ZC4H2: variants seen among roughly 807,000 people sequenced by gnomAD.
The protein encoded by ZC4H2 is zinc finger C4H2 domain-containing protein.
For synonymous variants in ZC4H2, 84 were observed against 66.3 expected (o/e 1.27, Z -1.30); for missense variants, 137 against 173.9 (o/e 0.79, Z 1.19).
At chrX:64,924,315 G>A (rs946424725) in intron 1 of ZC4H2, among the ~76,000 whole-genome samples, 1 of 111,975 alleles carries the variant, frequency 8.9e-6, no homozygotes, top group Non-Finnish European at 1.9e-5. Context: ...TATTTATTGA[G>A]CACTTACTAT....
intron 1 of ZC4H2, among the ~76,000 whole-genome samples, chrX:64,926,783 C>A (rs1929438618): frequency 9.0e-6 from 1 of 111,388 alleles, no homozygotes; most frequent in Non-Finnish European, 1.9e-5. Flanking sequence ...TTTTTTTCAA[C>A]AAAATATGGA....
chrX:64,941,201 T>C (rs1299971692), intron 1 of ZC4H2, among the ~76,000 whole-genome samples: 1 of 112,022 alleles, frequency 8.9e-6, no homozygotes, highest in Non-Finnish European at 1.9e-5. Flanking sequence ...TGTGTGTCTA[T>C]TATTGGTGTA....
At chrX:65,011,105 A>T (rs982755204) in intron 1 of ZC4H2, among the ~76,000 whole-genome samples, 97 of 111,999 alleles carry the variant, frequency 8.7e-4, no homozygotes, top group African/African-American at 3.0e-3. Flanking sequence ...AAAAAATCAA[A>T]CAAACAAACA....
chrX:64,923,461 G>T (rs1404970374), intron 1 of ZC4H2, among the ~76,000 whole-genome samples: 1 of 109,408 alleles, frequency 9.1e-6, no homozygotes, highest in East Asian at 2.9e-4. Context: ...CTTCCCCTCT[G>T]CCCCAGTCTA....
chrX:64,938,025 G>T (rs901369605), intron 1 of ZC4H2, among the ~76,000 whole-genome samples: 20 of 111,674 alleles, frequency 1.8e-4, no homozygotes, highest in African/African-American at 5.2e-4. Context: ...CATCAAAATA[G>T]ATAGTCTGCT....
At chrX:64,986,991 G>A (rs1197682297) in intron 1 of ZC4H2, among the ~76,000 whole-genome samples, 2 of 101,192 alleles carry the variant, frequency 2.0e-5, no homozygotes, top group Admixed American at 1.1e-4. Flanking sequence ...GCAGTGGCGC[G>A]ATCTAGGCAA....
intron 1 of ZC4H2, among the ~76,000 whole-genome samples, chrX:64,984,205 C>G (rs1475052107): frequency 9.0e-6 from 1 of 111,408 alleles, no homozygotes; most frequent in East Asian, 2.8e-4. Context: ...ATTTTCTGCT[C>G]CTGTGTTAGT....
chrX:65,010,367 T>C (rs5964407), intron 1 of ZC4H2, among the ~76,000 whole-genome samples: 1,418 of 112,846 alleles, frequency 0.013, 20 homozygotes, highest in African/African-American at 0.044. Context: ...GTCCGCTTCC[T>C]GTCCAGTGAC....
intron 4 of ZC4H2, 56 bp downstream of exon 4, chrX:64,918,986 G>T: frequency 8.9e-7 from 1 of 1,119,501 alleles, no homozygotes; most frequent in South Asian, 2.3e-5. Context: ...GCCTTCCACG[G>T]CCCTTCCATG....
At chrX:64,918,221 C>T (rs750251915) in intron 4 of ZC4H2, 8 of 160,950 alleles carry the variant, frequency 5.0e-5, no homozygotes, top group Non-Finnish European at 8.3e-5. Flanking sequence ...CAGGGGTCAA[C>T]AAACATTTTC....
upstream of ZC4H2, among the ~76,000 whole-genome samples, chrX:64,979,939 G>A (rs755335007): frequency 1.8e-5 from 2 of 111,656 alleles, no homozygotes; most frequent in African/African-American, 3.3e-5. Flanking sequence ...AGTCAGTCTC[G>A]ATTATACTTT....
intron 1 of ZC4H2, among the ~76,000 whole-genome samples, chrX:64,983,994 T>G: frequency 8.9e-6 from 1 of 111,750 alleles, no homozygotes; most frequent in Non-Finnish European, 1.9e-5. Context: ...ATGGATATTA[T>G]ATGCATAATG....
At chrX:65,015,818 G>A (rs1932793505) in intron 1 of ZC4H2, among the ~76,000 whole-genome samples, 1 of 111,498 alleles carries the variant, frequency 9.0e-6, no homozygotes, top group Non-Finnish European at 1.9e-5. Context: ...AAAGCTCAGA[G>A]CAGGAACCAC....
chrX:64,980,552 C>G (rs1048831538), upstream of ZC4H2, among the ~76,000 whole-genome samples: 1 of 111,991 alleles, frequency 8.9e-6, no homozygotes, highest in Non-Finnish European at 1.9e-5. Flanking sequence ...TTACTACATG[C>G]CAGGCACTCT....
chrX:65,006,173 C>G (rs1309288638), intron 1 of ZC4H2, among the ~76,000 whole-genome samples: 2 of 111,454 alleles, frequency 1.8e-5, no homozygotes, highest in Non-Finnish European at 3.8e-5. Flanking sequence ...GATCTAGAAG[C>G]AGAAATACTG....
At chrX:64,922,863 C>T (rs1357064905) in intron 1 of ZC4H2, among the ~76,000 whole-genome samples, 2 of 111,996 alleles carry the variant, frequency 1.8e-5, no homozygotes, top group South Asian at 3.7e-4. Flanking sequence ...TAAACAGCCA[C>T]GTGTGGCTAC....
At chrX:65,032,813 T>C (rs925603665) in intron 1 of ZC4H2, among the ~76,000 whole-genome samples, 1 of 107,203 alleles carries the variant, frequency 9.3e-6, no homozygotes, top group Non-Finnish European at 1.9e-5. Flanking sequence ...AGTCTTGTTG[T>C]GTCGCCTAGA....
intron 1 of ZC4H2, among the ~76,000 whole-genome samples, chrX:64,946,671 A>G (rs1930550294): frequency 9.0e-6 from 1 of 111,159 alleles, no homozygotes; most frequent in African/African-American, 3.3e-5. Context: ...ATATATATGA[A>G]ATATATATGT....
At chrX:64,931,347 T>G (rs769462981) in intron 1 of ZC4H2, among the ~76,000 whole-genome samples, 18 of 111,964 alleles carry the variant, frequency 1.6e-4, no homozygotes, top group African/African-American at 5.5e-4. Context: ...TGTTCCAGTT[T>G]CATTGAGTTT....
Sources: allele counts gnomAD v4.1 joint callset (sites outside exome capture counted in the v4.1 genomes callset), GRCh38; gene constraint gnomAD v4.1.1; transcripts MANE v1.5; gene names NCBI Gene and HGNC (gene_info 2026-07-23, HGNC 2026-07-21).